The following SLC66A2 variants were observed in gnomAD, a reference collection of about 807,000 sequenced individuals.
SLC66A2 encodes the protein solute carrier family 66 member 2.
Under a neutral mutation model 25.5 loss-of-function variants are expected in SLC66A2, and 23 were observed. That is an observed-to-expected ratio of 0.90 (90% CI 0.65 to 1.28). The LOEUF is 1.28. Among genes scored for constraint, SLC66A2 ranks in the 50% most tolerant of loss-of-function variants. The probability of loss-of-function intolerance (pLI) is 0.00; values close to 1 mark genes in which losing one functional copy is unlikely to be tolerated. For missense variants in SLC66A2, 396 were observed against 373.1 expected (o/e 1.06, Z -0.51); for synonymous variants, 193 against 166.5 (o/e 1.16, Z -1.23).
intron 1 of SLC66A2, among the ~76,000 whole-genome samples, chr18:79,951,303 C>A (rs377295760): frequency 0.013 from 1,979 of 149,628 alleles, 36 homozygotes; most frequent in African/African-American, 0.042. Flanking sequence ...GGGGTCCACG[C>A]GCGCCCCGGG....
chr18:79,938,192 G>T (rs1987299128), intron 3 of SLC66A2, among the ~76,000 whole-genome samples: 1 of 151,986 alleles, frequency 6.6e-6, no homozygotes, highest in Non-Finnish European at 1.5e-5. Context: ...CTGCAGGAAG[G>T]AGACCTGAAT....
At chr18:79,930,049 T>A (rs1986405243) in intron 4 of SLC66A2, among the ~76,000 whole-genome samples, 1 of 151,966 alleles carries the variant, frequency 6.6e-6, no homozygotes, top group Non-Finnish European at 1.5e-5. Flanking sequence ...AAGGAGATAA[T>A]GACTTTTGAA....
chr18:79,944,872 C>A (rs1988030752), intron 2 of SLC66A2, among the ~76,000 whole-genome samples: 1 of 151,276 alleles, frequency 6.6e-6, no homozygotes. Context: ...CCCGCAGCCC[C>A]CTCAGCAACC....
chr18:79,911,604 C>T (rs1363220485), intron 5 of SLC66A2, among the ~76,000 whole-genome samples: 1 of 152,254 alleles, frequency 6.6e-6, no homozygotes, highest in Non-Finnish European at 1.5e-5. Context: ...GGGCTGGGCT[C>T]TGCTGGCTGC....
chr18:79,942,189 T>A (rs1987733302), intron 3 of SLC66A2, among the ~76,000 whole-genome samples: 1 of 152,242 alleles, frequency 6.6e-6, no homozygotes, highest in South Asian at 2.1e-4. Context: ...GTACCATCTC[T>A]GGTGTAATTT....
chr18:79,951,083 G>A (rs1443550248), intron 1 of SLC66A2, 58 bp from the exon 2 acceptor site: 33 of 437,520 alleles, frequency 7.5e-5, no homozygotes, highest in African/African-American at 6.7e-4. Context: ...CGGCGCGCAC[G>A]GACCCGACCC....
intron 3 of SLC66A2, among the ~76,000 whole-genome samples, chr18:79,939,326 C>G (rs1025933291): frequency 6.6e-6 from 1 of 152,196 alleles, no homozygotes; most frequent in African/African-American, 2.4e-5. Flanking sequence ...TCCCCCTTGG[C>G]ATGTCCTCAC....
At chr18:79,919,942 G>T (rs867646333) in intron 4 of SLC66A2, among the ~76,000 whole-genome samples, 1 of 9,114 alleles carries the variant, frequency 1.1e-4, no homozygotes, top group African/African-American at 3.0e-4. Flanking sequence ...AGGAACCGAG[G>T]GAGAGGTCAA....
chr18:79,922,841 G>A (rs1418122236), intron 4 of SLC66A2, among the ~76,000 whole-genome samples: 13 of 141,390 alleles, frequency 9.2e-5, no homozygotes, highest in Non-Finnish European at 7.7e-5. Flanking sequence ...TGGGGGGGTT[G>A]GGGTATGGTG....
At chr18:79,947,699 C>T (rs985763921) in intron 2 of SLC66A2, among the ~76,000 whole-genome samples, 12 of 115,952 alleles carry the variant, frequency 1.0e-4, no homozygotes, top group African/African-American at 1.5e-4. Flanking sequence ...CCTGCGCATG[C>T]GTGGAGCTGG....
chr18:79,949,266 C>T (rs1057167024), intron 2 of SLC66A2, among the ~76,000 whole-genome samples: 8 of 152,196 alleles, frequency 5.3e-5, no homozygotes, highest in African/African-American at 1.9e-4. Flanking sequence ...CAGGGAGCAC[C>T]CCGGCTCATG....
intron 4 of SLC66A2, chr18:79,930,129 A>C (rs1336147121): frequency 2.0e-5 from 3 of 149,540 alleles, no homozygotes; most frequent in African/African-American, 7.4e-5. Flanking sequence ...AACCTGATAA[A>C]GAGATCCACA....
intron 3 of SLC66A2, among the ~76,000 whole-genome samples, chr18:79,942,737 G>C (rs1987785183): frequency 6.6e-6 from 1 of 152,254 alleles, no homozygotes; most frequent in African/African-American, 2.4e-5. Flanking sequence ...GCAAAAACTG[G>C]AAGAAGTATT....
intron 3 of SLC66A2, among the ~76,000 whole-genome samples, chr18:79,935,675 T>G (rs1005050774): frequency 6.6e-6 from 1 of 152,156 alleles, no homozygotes; most frequent in African/African-American, 2.4e-5. Flanking sequence ...CCTTGGGACC[T>G]GGCCGCCATG....
intron 3 of SLC66A2, among the ~76,000 whole-genome samples, chr18:79,942,258 G>A (rs776623732): frequency 9.2e-5 from 14 of 152,204 alleles, no homozygotes; most frequent in Non-Finnish European, 1.9e-4. Flanking sequence ...GGAGAATGGC[G>A]TGAATGGGGA....
chr18:79,940,266 A>G lies in SLC66A2; in HGVS notation c.337+3063T>C, dbSNP rs1987538715. Among the ~76,000 whole-genome samples the G allele has an allele frequency of 6.6e-6, 1 of 152,110 alleles. No homozygotes were observed. The highest frequency in any genetic ancestry group is 2.4e-5 in the African/African-American group (1 of 41,426). Reference sequence around the variant, plus strand: ...GCAGGAGGAGGGAGAGGACCGGGAAAAATAACCAGTGGGTACTAGGCTTAA... The same window carrying G: ...GCAGGAGGAGGGAGAGGACCGGGAAGAATAACCAGTGGGTACTAGGCTTAA... On this transcript the variant is annotated intron_variant, in intron 3 of 5. Transcript: ENST00000397778. This position sits in a 1 kb window ranked among gnomAD's most constrained non-coding sequence, Gnocchi z 4.1.
chr18:79,938,045 G>A (rs1417780041), intron 3 of SLC66A2, among the ~76,000 whole-genome samples: 1 of 151,924 alleles, frequency 6.6e-6, no homozygotes, highest in Admixed American at 6.6e-5. Context: ...GGAGGCTGAG[G>A]TGGGAGGATC....
At chr18:79,914,553 G>C (rs1297814993) in intron 5 of SLC66A2, among the ~76,000 whole-genome samples, 2 of 138,682 alleles carry the variant, frequency 1.4e-5, no homozygotes, top group East Asian at 4.5e-4. Context: ...CCCAGGAAGT[G>C]GCAAAGGGGA....
intron 4 of SLC66A2, among the ~76,000 whole-genome samples, chr18:79,933,346 G>A (rs926017997): frequency 2.0e-5 from 3 of 152,212 alleles, no homozygotes; most frequent in African/African-American, 7.2e-5. Flanking sequence ...AGTGATGAAA[G>A]ATGGAATGCT....
Sources: allele counts gnomAD v4.1 joint callset (sites outside exome capture counted in the v4.1 genomes callset), GRCh38; gene constraint gnomAD v4.1.1; non-coding constraint Gnocchi (gnomAD v3.1); transcripts MANE v1.5; gene names NCBI Gene and HGNC (gene_info 2026-07-23, HGNC 2026-07-21).